The following MYO1B variants were observed in gnomAD, a reference collection of about 807,000 sequenced individuals.
MYO1B encodes the protein unconventional myosin-Ib.
A neutral mutation model predicts 159.7 loss-of-function variants in MYO1B; 72 were observed. The observed-to-expected ratio is 0.45, with a 90% CI of 0.37 to 0.55. MYO1B has a LOEUF of 0.55. Among genes scored for constraint, MYO1B ranks in the 20% least tolerant of loss-of-function variants. MYO1B has a pLI of 0.00. For synonymous variants in MYO1B, 468 were observed against 473.8 expected, an observed-to-expected ratio of 0.99 and a Z score of 0.16; for missense variants, 1,062 against 1,364.8, an observed-to-expected ratio of 0.78 and a Z score of 3.50.
chr2:191,408,485 AC>A (rs1320682244), intron 25 of MYO1B, among the ~76,000 whole-genome samples: 1 of 152,178 alleles, frequency 6.6e-6, no homozygotes, highest in African/African-American at 2.4e-5. Context: ...CCATGACTTT[AC>A]CCTGTGAAAC....
In MYO1B at chr2:191,300,362, C is replaced by T. The variant is rs181139594; in HGVS notation, c.251+4136C>T. On this transcript the variant is annotated intron_variant, in intron 3 of 30. Coordinates refer to ENST00000392318, the MANE Select transcript of MYO1B (RefSeq NM_001130158.3). ...CAATTTTTTTTTTTTTTTTTTGAGT[C>T]GGAGTCTCGCTCGCTCTGTCGCCCA... Among the ~76,000 whole-genome samples, 215 of 142,794 alleles carry T rather than the reference C, an allele frequency of 1.5e-3. 1 individual carries two copies. The highest frequency in any genetic ancestry group is 5.3e-3 in the African/African-American group (199 of 37,862). 93.7% of individuals were successfully genotyped at this position (142,794 alleles called of 152,430 possible).
chr2:191,313,747 G>A (rs184120943), intron 3 of MYO1B, among the ~76,000 whole-genome samples: 116 of 152,300 alleles, frequency 7.6e-4, no homozygotes, highest in African/African-American at 2.7e-3. Flanking sequence ...TTGAACTCCT[G>A]ACCTCAGGTG....
rs144442745 is a variant in MYO1B at position 191,317,524 on chromosome 2, A to G, written c.252-12411A>G. ...TTAAGTTGTAGGGTACATGTGCACAACGTGCAGGTTTGTTACATATGTATA... is the reference window on the plus strand; with the variant it reads ...TTAAGTTGTAGGGTACATGTGCACAGCGTGCAGGTTTGTTACATATGTATA... On this transcript the variant is annotated intron_variant, in intron 3 of 30. Coordinates refer to ENST00000392318, the MANE Select transcript of MYO1B (RefSeq NM_001130158.3). 4.2e-3 allele frequency among the ~76,000 whole-genome samples: 639 copies of G among 152,372 alleles called. 9 individuals carry two copies. Among genetic ancestry groups the G allele is most frequent in the African/African-American group, 0.014 (582 of 41,590 alleles).
intron 1 of MYO1B, among the ~76,000 whole-genome samples, chr2:191,258,764 G>A (rs1686613932): frequency 6.6e-6 from 1 of 152,192 alleles, no homozygotes; most frequent in South Asian, 2.1e-4. Flanking sequence ...TTTAGCCTAG[G>A]CATGCCAAGG....
Position 191,414,370 on chromosome 2 carries a change from T to C in MYO1B, c.3007-147T>C, listed in dbSNP as rs116059965. On this transcript the variant is annotated intron_variant, in intron 28 of 30. Coordinates refer to ENST00000392318, the MANE Select transcript of MYO1B (RefSeq NM_001130158.3). ...TGACATTTTTATGAAATAAAACATA[T>C]TATTTATGTTCTTTACTGCGTTCTT... 836 of 1,017,548 alleles carry C rather than the reference T, an allele frequency of 8.2e-4. 2 individuals carry two copies. The African/African-American group carries it at 0.012, about 14-fold the overall frequency. The allele number at this position is 1,017,548 out of a possible 1,614,324, so 63.0% of individuals were successfully genotyped here. A position where few individuals can be genotyped will look rare whatever the true frequency, so the allele number is the denominator to read the frequency against.
At chr2:191,365,995 A>G (rs988144705) in intron 11 of MYO1B, among the ~76,000 whole-genome samples, 1 of 152,174 alleles carries the variant, frequency 6.6e-6, no homozygotes, top group Non-Finnish European at 1.5e-5. Context: ...GGTCTGGGGT[A>G]GGACCGAGGA....
intron 11 of MYO1B, among the ~76,000 whole-genome samples, chr2:191,368,919 A>G (rs1267556028): frequency 6.6e-6 from 1 of 152,206 alleles, no homozygotes; most frequent in Non-Finnish European, 1.5e-5. Context: ...GGTTGCAGTG[A>G]GCTGAGATTG....
At chr2:191,418,763 A>G (rs904316284) in intron 30 of MYO1B, among the ~76,000 whole-genome samples, 21 of 152,164 alleles carry the variant, frequency 1.4e-4, no homozygotes, top group African/African-American at 4.3e-4. Context: ...TGCTGGGATT[A>G]CAGGCGTGAG....
At chr2:191,370,502 AGTGTGTGT>A (rs58911860) in intron 13 of MYO1B, among the ~76,000 whole-genome samples, 4 of 148,018 alleles carry the variant, frequency 2.7e-5, no homozygotes, top group East Asian at 4.0e-4. Context: ...TGTGTGCCTG[AGTGTGTGT>A]GTGTGTGTGT....
chr2:191,309,567 T>C (rs2125856250), intron 3 of MYO1B, among the ~76,000 whole-genome samples: 1 of 152,298 alleles, frequency 6.6e-6, no homozygotes, highest in East Asian at 1.9e-4. Context: ...CCTGCATGGC[T>C]CCACTTGATC....
At chr2:191,337,919 A>T (rs7424440) in intron 4 of MYO1B, among the ~76,000 whole-genome samples, 51,160 of 151,982 alleles carry the variant, frequency 0.34, 8,886 homozygotes, top group South Asian at 0.5. Flanking sequence ...TTGAATACAG[A>T]TCCAAATTTA....
At chr2:191,350,512 A>G (rs1011226086) in intron 7 of MYO1B, 7 of 184,832 alleles carry the variant, frequency 3.8e-5, no homozygotes, top group African/African-American at 1.4e-4. Flanking sequence ...AAAATCCTAT[A>G]GGTCTTTAAG....
intron 1 of MYO1B, among the ~76,000 whole-genome samples, chr2:191,255,225 A>G (rs1686366133): frequency 6.6e-6 from 1 of 152,140 alleles, no homozygotes; most frequent in Non-Finnish European, 1.5e-5. Context: ...CACTACACCC[A>G]TCCTGTACTG....
rs1343814207 is a variant in MYO1B at position 191,414,216 on chromosome 2, C to T, written c.3006+36C>T. 3.2e-6 allele frequency: 5 copies of T among 1,584,966 alleles called. 1 individual carries two copies. The Admixed American group carries it at 9.1e-5, about 29-fold the overall frequency. On this transcript the variant is annotated intron_variant, in intron 28 of 30. Coordinates refer to ENST00000392318, the MANE Select transcript of MYO1B (RefSeq NM_001130158.3). ...TAACCTTGAAGACTGATAAGAAGTA[C>T]CTATTAGTTGGGATAGTCACCCTGT...
intron 3 of MYO1B, among the ~76,000 whole-genome samples, chr2:191,320,045 A>G (rs1343867295): frequency 6.6e-6 from 1 of 152,150 alleles, no homozygotes; most frequent in Non-Finnish European, 1.5e-5. Flanking sequence ...ATGGTAAGGA[A>G]AGGGTGACTT....
At position 191,363,786 on chromosome 2, in the gene MYO1B, T is replaced by C; in HGVS notation, c.824T>C (p.Val275Ala). The C allele has an allele frequency of 6.2e-7, 1 of 1,613,802 alleles. No individual in the cohort carries two copies. The highest frequency in any genetic ancestry group is 1.1e-5 in the South Asian group (1 of 91,050). The part of the protein sequence containing the change: ...DHEAESVLAV[V>A]AAVLKLGNIE... ...GAAGCTGAGTCTGTCTTGGCGGTGG[T>C]GGCAGCAGTGTTGAAACTGGGGAAC... Residue 275 changes from valine (V) to alanine (A), a missense_variant, in exon 10 of 31, where the codon GTG (valine) becomes GCG (alanine). By Grantham distance (64) the Val-to-Ala change is moderately conservative. Around this residue, in one of 5 missense-constraint regions of MYO1B, gnomAD observed 415 missense variants for 544.0 expected, o/e 0.76. Coordinates refer to ENST00000392318, the MANE Select transcript of MYO1B (RefSeq NM_001130158.3).
At chr2:191,251,434 A>G (rs932248351) in intron 1 of MYO1B, among the ~76,000 whole-genome samples, 14 of 152,360 alleles carry the variant, frequency 9.2e-5, no homozygotes, top group African/African-American at 2.4e-4. Flanking sequence ...AAAAATTGAC[A>G]TTCTTCTTTT....
chr2:191,348,894 A>C (rs185659324), intron 6 of MYO1B, among the ~76,000 whole-genome samples: 4 of 151,998 alleles, frequency 2.6e-5, no homozygotes, highest in Non-Finnish European at 5.9e-5. Context: ...ATGTGCTCCA[A>C]CTTCCCTCTC....
intron 2 of MYO1B, among the ~76,000 whole-genome samples, chr2:191,285,580 A>G: frequency 6.6e-6 from 1 of 152,212 alleles, no homozygotes; most frequent in East Asian, 1.9e-4. Flanking sequence ...AGAAATACTG[A>G]AAAAATAAAA....
Sources: allele counts gnomAD v4.1 joint callset (sites outside exome capture counted in the v4.1 genomes callset), GRCh38; gene constraint gnomAD v4.1.1; regional missense constraint gnomAD v4.1.1; transcripts MANE v1.5; gene names NCBI Gene and HGNC (gene_info 2026-07-23, HGNC 2026-07-21).